The following RTL9 variants were observed in gnomAD, a reference collection of about 807,000 sequenced individuals.
RTL9 encodes retrotransposon Gag like 9, also known as retrotransposon Gag-like protein 9.
RTL9 carries 19 observed loss-of-function variants against 44.7 expected under a neutral mutation model. The ratio of observed to expected loss-of-function variants is 0.42; its 90% CI spans 0.30 to 0.62. The LOEUF is 0.62. Among genes scored for constraint, RTL9 ranks in the 20% least tolerant of loss-of-function variants. RTL9 has a pLI of 0.16. For synonymous variants in RTL9, 407 were observed against 398.9 expected (o/e 1.02, Z -0.24); for missense variants, 1,105 against 1,080.6 (o/e 1.02, Z -0.32).
chrX:110,360,363 A>G (rs1386290167), intron 1 of RTL9, among the ~76,000 whole-genome samples: 14 of 112,003 alleles, frequency 1.2e-4, no homozygotes, highest in Admixed American at 1.1e-3. Context: ...TATGCATAGC[A>G]CTGTTTTAGA....
upstream of RTL9, among the ~76,000 whole-genome samples, chrX:110,448,588 A>G (rs770304923): frequency 5.1e-3 from 518 of 102,004 alleles, 5 homozygotes; most frequent in African/African-American, 0.018. Context: ...AAAGGCGGCC[A>G]GAGGCAAATG....
intron 1 of RTL9, among the ~76,000 whole-genome samples, chrX:110,366,807 G>A (rs920912861): frequency 1.8e-5 from 2 of 111,938 alleles, no homozygotes; most frequent in African/African-American, 6.5e-5. Flanking sequence ...TTTAGATTCA[G>A]GACCACTAAC....
intron 1 of RTL9, among the ~76,000 whole-genome samples, chrX:110,386,715 G>T (rs1242229140): frequency 8.9e-6 from 1 of 111,788 alleles, no homozygotes; most frequent in Non-Finnish European, 1.9e-5. Context: ...GTATTAGAAA[G>T]AATGAGATCT....
chrX:110,393,934 A>G (rs1457324098), intron 1 of RTL9, among the ~76,000 whole-genome samples: 1 of 112,364 alleles, frequency 8.9e-6, no homozygotes, highest in Non-Finnish European at 1.9e-5. Flanking sequence ...TAAAGTACAC[A>G]ATGACCATAC....
chrX:110,394,242 G>T lies in RTL9; in HGVS notation c.-168+35326G>T, dbSNP rs1035591969. On this transcript the variant is annotated intron_variant, in intron 1 of 2. Transcript: ENST00000520821. Reference sequence around the variant, plus strand: ...TATTAGAAGTGTTTGGGTGGTTTTTGTTTGTTTGTTTTTTTGTTTGTTTTT... The same window carrying T: ...TATTAGAAGTGTTTGGGTGGTTTTTTTTTGTTTGTTTTTTTGTTTGTTTTT... Among the ~76,000 whole-genome samples the T allele has an allele frequency of 3.0e-4, 34 of 112,022 alleles. 1 individual carries two copies. Among genetic ancestry groups the T allele is most frequent in the Non-Finnish European group, 1.9e-5 (1 of 53,146 alleles).
intron 1 of RTL9, among the ~76,000 whole-genome samples, chrX:110,368,031 A>G (rs1197510025): frequency 9.7e-6 from 1 of 103,150 alleles, no homozygotes; most frequent in African/African-American, 3.5e-5. Flanking sequence ...GTAGAAACAG[A>G]TGTCTTGCTT....
chrX:110,451,886 T>C, exon 1 of RTL9: 1 of 1,208,585 alleles, frequency 8.3e-7, no homozygotes, highest in Non-Finnish European at 1.1e-6. Context: ...CCTCTGGAAA[T>C]ATGTCTACAT....
chrX:110,453,305 G>A, exon 1 of RTL9: 1 of 1,211,322 alleles, frequency 8.3e-7, no homozygotes, highest in Non-Finnish European at 1.1e-6. Flanking sequence ...CCTCTGGAGG[G>A]GTGTCCTCAC....
intron 1 of RTL9, among the ~76,000 whole-genome samples, chrX:110,392,887 G>A (rs1404097017): frequency 8.9e-6 from 1 of 112,206 alleles, no homozygotes; most frequent in Non-Finnish European, 1.9e-5. Flanking sequence ...TTGATGGTAT[G>A]TATATGTGAG....
chrX:110,451,950 C>G, exon 1 of RTL9: 3 of 1,211,354 alleles, frequency 2.5e-6, no homozygotes, highest in Non-Finnish European at 3.4e-6. Context: ...GATGACAGTC[C>G]CAAGCTCTGG....
At chrX:110,451,103 A>G (rs762683761) in exon 1 of RTL9, 1 of 1,212,321 alleles carries the variant, frequency 8.2e-7, no homozygotes, top group South Asian at 1.8e-5. Flanking sequence ...CAGATTCTGC[A>G]GAGATATCAC....
chrX:110,395,122 G>C (rs1284305223), intron 1 of RTL9, among the ~76,000 whole-genome samples: 1 of 112,614 alleles, frequency 8.9e-6, no homozygotes, highest in African/African-American at 3.2e-5. Flanking sequence ...GGGCTGCTTT[G>C]TGGGAAGCCA....
intron 1 of RTL9, 132 bp downstream of exon 3, chrX:110,454,796 A>C: frequency 1.8e-6 from 1 of 551,975 alleles, no homozygotes; most frequent in Non-Finnish European, 2.8e-6. Context: ...AGACCATTAA[A>C]CCCCAGCAGT....
chrX:110,399,815 G>A, intron 1 of RTL9, among the ~76,000 whole-genome samples: 1 of 111,718 alleles, frequency 9.0e-6, no homozygotes, highest in Middle Eastern at 4.6e-3. Context: ...AACTAAGAGG[G>A]AGTTCTATGG....
At chrX:110,381,446 G>GA (rs1026992932) in intron 1 of RTL9, among the ~76,000 whole-genome samples, 6 of 111,950 alleles carry the variant, frequency 5.4e-5, no homozygotes, top group Admixed American at 2.8e-4. Context: ...AGGTTGCAGT[G>GA]AAAAGGGAAT....
At chrX:110,394,356 A>T (rs186585147) in intron 1 of RTL9, among the ~76,000 whole-genome samples, 1 of 111,046 alleles carries the variant, frequency 9.0e-6, no homozygotes, top group East Asian at 2.8e-4. Context: ...GATTCAGGTG[A>T]TCCTCCCACC....
chrX:110,405,088 T>TTC (rs2068590131), intron 1 of RTL9, among the ~76,000 whole-genome samples: 5 of 74,091 alleles, frequency 6.7e-5, no homozygotes, highest in Admixed American at 1.7e-4. Flanking sequence ...GCTTGTTGTG[T>TTC]CCCCCCCCCC....
chrX:110,391,887 C>T (rs920647859), intron 1 of RTL9, among the ~76,000 whole-genome samples: 7 of 111,968 alleles, frequency 6.3e-5, no homozygotes, highest in African/African-American at 1.9e-4. Context: ...GATTTCATCC[C>T]TGATTTTGTC....
chrX:110,451,615 T>G (rs143990933), exon 1 of RTL9: 1 of 1,209,891 alleles, frequency 8.3e-7, no homozygotes, highest in African/African-American at 1.8e-5. Flanking sequence ...GCTGGAGAAA[T>G]GTCCACATTA....
Sources: gnomAD v4.1 joint callset for allele counts (sites outside exome capture counted in the v4.1 genomes callset) on GRCh38, gnomAD v4.1.1 for gene constraint, MANE v1.5 for transcripts, NCBI Gene and HGNC (gene_info 2026-07-23, HGNC 2026-07-21) for gene names.